PCSK5: variants seen among roughly 807,000 people sequenced by gnomAD.
PCSK5 encodes prohormone convertase 5.
PCSK5 carries 129 observed loss-of-function variants against 233.2 expected under a neutral mutation model. That is an observed-to-expected ratio of 0.55 (90% CI 0.48 to 0.64). PCSK5 has a LOEUF of 0.64. PCSK5 is among the 30% of genes least tolerant of loss of function. The pLI, the probability that PCSK5 is intolerant of heterozygous loss-of-function variation, is 0.00. For synonymous variants in PCSK5, 825 were observed against 879.2 expected (o/e 0.94, Z 1.09); for missense variants, 2,076 against 2,430.1 (o/e 0.85, Z 3.06).
intron 3 of PCSK5, among the ~76,000 whole-genome samples, chr9:75,998,064 C>T (rs750151900): frequency 3.9e-5 from 6 of 152,150 alleles, no homozygotes; most frequent in Non-Finnish European, 8.8e-5. Context: ...CTAATAGTCT[C>T]GTTGCATGGT....
chr9:76,202,102 CTA>C (rs922944892), intron 20 of PCSK5, among the ~76,000 whole-genome samples: 3 of 152,084 alleles, frequency 2.0e-5, no homozygotes, highest in African/African-American at 4.8e-5. Flanking sequence ...TTTAATTGTT[CTA>C]TGTTATCAGA....
intron 24 of PCSK5, among the ~76,000 whole-genome samples, chr9:76,276,053 T>C (rs567856522): frequency 9.1e-4 from 139 of 152,284 alleles, no homozygotes; most frequent in Non-Finnish European, 1.7e-3. Context: ...ATCCAGGTGC[T>C]TGGACAAGGC....
rs73650429 is a variant in PCSK5 at position 76,057,399 on chromosome 9, G to T, written c.633-10556G>T. On this transcript the variant is annotated intron_variant, in intron 5 of 37. Transcript: ENST00000674117. ...TAAGATGACTGATATTTTTCTCGGGGTAGTGATCATTGTCATCTGAAGAGA... is the reference window on the plus strand; with the variant it reads ...TAAGATGACTGATATTTTTCTCGGGTTAGTGATCATTGTCATCTGAAGAGA... 4.6e-3 allele frequency among the ~76,000 whole-genome samples: 693 copies of T among 152,204 alleles called. 5 individuals are homozygous for T. Among genetic ancestry groups the T allele is most frequent in the African/African-American group, 0.015 (615 of 41,524 alleles).
intron 2 of PCSK5, among the ~76,000 whole-genome samples, chr9:75,955,706 A>C (rs1217536451): frequency 1.3e-5 from 2 of 152,050 alleles, no homozygotes; most frequent in Non-Finnish European, 2.9e-5. Context: ...ATTTAGGTTT[A>C]ATTTAAATTA....
chr9:76,318,409 T>C (rs929615486), intron 30 of PCSK5, among the ~76,000 whole-genome samples: 1 of 151,820 alleles, frequency 6.6e-6, no homozygotes, highest in African/African-American at 2.4e-5. Flanking sequence ...CCATGGCACA[T>C]GTATACCTAT....
At chr9:76,244,554 A>G (rs951631128) in intron 24 of PCSK5, among the ~76,000 whole-genome samples, 1 of 136,144 alleles carries the variant, frequency 7.3e-6, no homozygotes, top group Non-Finnish European at 1.6e-5. Context: ...AGCTGTTGAA[A>G]ATCCTGGGGT....
In PCSK5 at chr9:76,144,210, C is replaced by T. The variant is rs542192394; in HGVS notation, c.1312+9998C>T. Among the ~76,000 whole-genome samples, 7 of 152,166 alleles carry T rather than the reference C, an allele frequency of 4.6e-5. No individual in the cohort carries two copies. The East Asian group carries it at 1.2e-3, about 25-fold the overall frequency. ...AGCTGTATTGTTTTTCTGAACCCAC[C>T]GGAGGTTACAATGTATATGCTTTCT... On this transcript the variant is annotated intron_variant, in intron 10 of 37. Transcript: ENST00000674117.
At position 76,035,084 on chromosome 9, in the gene PCSK5, C is replaced by A. The variant is rs1384273048; in HGVS notation, c.632+8047C>A. Among the ~76,000 whole-genome samples the A allele has an allele frequency of 1.3e-5, 2 of 152,132 alleles. 1 individual carries two copies. The highest frequency in any genetic ancestry group is 1.3e-4 in the Admixed American group (2 of 15,262). ...GTTTGGGAAGTCAGTTGACTAAATT[C>A]AAGTCAATAAATTCAAGCCCCTCGA... On this transcript the variant is annotated intron_variant, in intron 5 of 37. Coordinates refer to ENST00000674117, the MANE Select transcript of PCSK5 (RefSeq NM_001372043.1).
intron 5 of PCSK5, among the ~76,000 whole-genome samples, chr9:76,046,171 T>TG (rs2131544610): frequency 7.8e-5 from 7 of 89,610 alleles, no homozygotes; most frequent in African/African-American, 2.3e-4. Flanking sequence ...TTTTTTTTTT[T>TG]TTTTTTTTTT....
intron 24 of PCSK5, among the ~76,000 whole-genome samples, chr9:76,267,053 T>C (rs531279938): frequency 6.6e-5 from 10 of 152,262 alleles, no homozygotes; most frequent in African/African-American, 2.4e-4. Context: ...CCTGCCAATC[T>C]GAATGAAGGC....
intron 1 of PCSK5, among the ~76,000 whole-genome samples, chr9:75,895,068 T>C (rs1825753898): frequency 6.6e-6 from 1 of 152,178 alleles, no homozygotes; most frequent in Admixed American, 6.5e-5. Context: ...GCAAAGCCCC[T>C]TCCCCAAACC....
At chr9:76,245,207 C>G (rs1017024038) in intron 24 of PCSK5, among the ~76,000 whole-genome samples, 1 of 152,020 alleles carries the variant, frequency 6.6e-6, no homozygotes, top group Admixed American at 6.5e-5. Context: ...ACTTTTCTAC[C>G]TCATCAATAA....
chr9:76,153,839 T>C (rs1587693395), intron 10 of PCSK5, among the ~76,000 whole-genome samples: 2 of 152,198 alleles, frequency 1.3e-5, no homozygotes, highest in Non-Finnish European at 2.9e-5. Context: ...ATGAAAGCCC[T>C]GCTCCAAGCC....
chr9:75,957,020 A>G (rs1825123876), intron 2 of PCSK5, among the ~76,000 whole-genome samples: 1 of 152,122 alleles, frequency 6.6e-6, no homozygotes, highest in Non-Finnish European at 1.5e-5. Flanking sequence ...GGGAGAGGGA[A>G]AATTCATAGA....
In PCSK5 at chr9:75,893,500, A is replaced by G. The variant is rs564231317; in HGVS notation, c.192+2127A>G. On this transcript the variant is annotated intron_variant, in intron 1 of 37. Coordinates refer to ENST00000674117, the MANE Select transcript of PCSK5 (RefSeq NM_001372043.1). ...ACAGATATTTAGTTCAAACGCACCTAGCTTTCTTGACTTTAACAAGGGCAG... is the reference window on the plus strand; with the variant it reads ...ACAGATATTTAGTTCAAACGCACCTGGCTTTCTTGACTTTAACAAGGGCAG... 5.3e-5 allele frequency among the ~76,000 whole-genome samples: 8 copies of G among 152,336 alleles called. No homozygotes were observed. The East Asian group carries it at 1.5e-3, about 29-fold the overall frequency.
chr9:76,308,614 A>T (rs1310909793), intron 28 of PCSK5, 31 bp from the exon 29 acceptor site: 4 of 1,297,680 alleles, frequency 3.1e-6, no homozygotes, highest in Non-Finnish European at 4.5e-6. Context: ...TTCCAAGGAG[A>T]AGCCTGAACT....
chr9:75,939,896 G>A (rs111507689), intron 2 of PCSK5, among the ~76,000 whole-genome samples: 1,963 of 152,256 alleles, frequency 0.013, 23 homozygotes, highest in Non-Finnish European at 0.019. Flanking sequence ...TAAGCAATGG[G>A]CATCTCCCAT....
At chr9:76,140,229 G>A (rs932787041) in intron 10 of PCSK5, among the ~76,000 whole-genome samples, 27 of 152,090 alleles carry the variant, frequency 1.8e-4, no homozygotes, top group Admixed American at 1.2e-3. Flanking sequence ...TATACAAGAT[G>A]TAATTAGTTA....
chr9:75,950,308 A>G (rs867425709), intron 2 of PCSK5, among the ~76,000 whole-genome samples: 1 of 152,280 alleles, frequency 6.6e-6, no homozygotes, highest in South Asian at 2.1e-4. Context: ...TTAGACAGGA[A>G]TATATCAGGC....
Sources: gnomAD v4.1 joint callset for allele counts (sites outside exome capture counted in the v4.1 genomes callset) on GRCh38, gnomAD v4.1.1 for gene constraint, MANE v1.5 for transcripts, NCBI Gene and HGNC (gene_info 2026-07-23, HGNC 2026-07-21) for gene names.